The following ST8SIA1 variants were observed in gnomAD, a reference collection of about 807,000 sequenced individuals.
ST8SIA1 encodes the protein alpha-N-acetylneuraminide alpha-2,8-sialyltransferase.
Under a neutral mutation model 35.9 loss-of-function variants are expected in ST8SIA1, and 16 were observed. The ratio of observed to expected loss-of-function variants is 0.45; its 90% CI spans 0.30 to 0.68. The LOEUF is 0.68. Ranked by LOEUF, ST8SIA1 falls within the 30% of genes least tolerant of loss-of-function variation. ST8SIA1 has a pLI of 0.09. For synonymous variants in ST8SIA1, 170 were observed against 169.6 expected (o/e 1.00, Z -0.02); for missense variants, 383 against 453.6 (o/e 0.84, Z 1.41).
chr12:22,325,018 T>C (rs1440513362), intron 1 of ST8SIA1: 2 of 155,660 alleles, frequency 1.3e-5, no homozygotes, highest in East Asian at 1.9e-4. Context: ...AATTTAGTAA[T>C]ACACACAAAC....
intron 4 of ST8SIA1, among the ~76,000 whole-genome samples, chr12:22,240,955 C>T (rs1321576254): frequency 6.8e-6 from 1 of 147,944 alleles, no homozygotes; most frequent in Non-Finnish European, 1.5e-5. Flanking sequence ...AAATACATTT[C>T]TGTTTCCTAG....
chr12:22,255,072 T>C (rs1180332029), intron 3 of ST8SIA1, among the ~76,000 whole-genome samples: 2 of 152,182 alleles, frequency 1.3e-5, no homozygotes, highest in Non-Finnish European at 2.9e-5. Context: ...CGCCTGAGCC[T>C]TCTTGGCTTT....
intron 4 of ST8SIA1, among the ~76,000 whole-genome samples, chr12:22,244,012 A>G (rs1317081778): frequency 6.7e-6 from 1 of 148,364 alleles, no homozygotes. Context: ...TCCGGGCAAC[A>G]AGAATGAAAT....
intron 4 of ST8SIA1, among the ~76,000 whole-genome samples, chr12:22,237,319 AC>A (rs1865486326): frequency 6.6e-6 from 1 of 151,938 alleles, no homozygotes; most frequent in Admixed American, 6.6e-5. Context: ...CTGGTCTCAA[AC>A]CCCTGGCCTC....
intron 1 of ST8SIA1, among the ~76,000 whole-genome samples, chr12:22,316,163 A>T (rs981526406): frequency 3.3e-5 from 5 of 152,232 alleles, no homozygotes; most frequent in African/African-American, 1.2e-4. Flanking sequence ...GAATCATTTG[A>T]ACTTGCAAAA....
chr12:22,248,586 T>C (rs868183480), intron 4 of ST8SIA1, among the ~76,000 whole-genome samples: 1 of 152,220 alleles, frequency 6.6e-6, no homozygotes, highest in African/African-American at 2.4e-5. Flanking sequence ...ATTGCTATTT[T>C]AATGCATGTA....
At chr12:22,264,910 A>T (rs1299353319) in intron 2 of ST8SIA1, among the ~76,000 whole-genome samples, 1 of 152,240 alleles carries the variant, frequency 6.6e-6, no homozygotes, top group Non-Finnish European at 1.5e-5. Context: ...AAATTGAATG[A>T]TGTGAATATT....
At chr12:22,259,878 T>G (rs867629288) in intron 2 of ST8SIA1, among the ~76,000 whole-genome samples, 1 of 152,240 alleles carries the variant, frequency 6.6e-6, no homozygotes, top group Admixed American at 6.5e-5. Context: ...GAATGATGTA[T>G]GAACAAGATG....
At position 22,287,071 on chromosome 12, in the gene ST8SIA1, G is replaced by C; in HGVS notation, c.381+78C>G. ...AACAAAAAGTCAATCTGATGAGTAA[G>C]GCAAACTCAATTATCCCTTTTCTAT... On this transcript the variant is annotated intron_variant, in intron 2 of 4. Transcript: ENST00000396037. 3 of 1,386,618 alleles carry C rather than the reference G, an allele frequency of 2.2e-6. No homozygotes were observed. The South Asian group carries it at 4.4e-5, about 20-fold the overall frequency. The allele number at this position is 1,386,618 out of a possible 1,614,324, so 85.9% of individuals were successfully genotyped here.
chr12:22,223,591 A>G, intron 4 of ST8SIA1: 1 of 1,059,312 alleles, frequency 9.4e-7, no homozygotes, highest in Non-Finnish European at 1.1e-6. Context: ...TTCTGATTCA[A>G]GCAGCATGAG....
At chr12:22,316,016 A>AT (rs1866515145) in intron 1 of ST8SIA1, among the ~76,000 whole-genome samples, 1 of 152,096 alleles carries the variant, frequency 6.6e-6, no homozygotes, top group Non-Finnish European at 1.5e-5. Context: ...AAAAGATAGA[A>AT]TTCTAAAAAA....
rs1555152208 is a variant in ST8SIA1 at position 22,199,170 on chromosome 12, T to TTC, written c.*2381_*2382insGA. On this transcript the variant is annotated 3_prime_UTR_variant, in exon 5 of 5. Coordinates refer to ENST00000396037, the MANE Select transcript of ST8SIA1 (RefSeq NM_003034.4). ...TTTCTTTTTCTTTTCTTTTTTTTTT[T>TTC]TTTGAGACAGGGTCTTGCCCTGTCA... 1 of 150,866 alleles carries TTC rather than the reference T, an allele frequency of 6.6e-6. No individual in the cohort carries two copies. The highest frequency in any genetic ancestry group is 1.5e-5 in the Non-Finnish European group (1 of 67,720). 9.3% of individuals were successfully genotyped at this position (150,866 alleles called of 1,614,324 possible).
At chr12:22,289,645 C>A (rs1866150752) in intron 1 of ST8SIA1, among the ~76,000 whole-genome samples, 1 of 152,144 alleles carries the variant, frequency 6.6e-6, no homozygotes, top group South Asian at 2.1e-4. Context: ...TGGGGCAGGG[C>A]TTTGCTTCCA....
chr12:22,313,385 C>T (rs1343979703), intron 1 of ST8SIA1, among the ~76,000 whole-genome samples: 3 of 152,066 alleles, frequency 2.0e-5, no homozygotes, highest in South Asian at 2.1e-4. Flanking sequence ...AATAAACACA[C>T]TTGAGTTTTG....
intron 4 of ST8SIA1, among the ~76,000 whole-genome samples, chr12:22,208,656 A>G (rs1173844301): frequency 6.6e-6 from 1 of 152,182 alleles, no homozygotes; most frequent in African/African-American, 2.4e-5. Flanking sequence ...AGAGGTATAA[A>G]TTAGTATGTA....
At chr12:22,229,339 G>C (rs886568220) in intron 4 of ST8SIA1, among the ~76,000 whole-genome samples, 7 of 152,106 alleles carry the variant, frequency 4.6e-5, no homozygotes, top group Non-Finnish European at 8.8e-5. Context: ...TTCAATGGCT[G>C]AGCATGGTGG....
intron 2 of ST8SIA1, among the ~76,000 whole-genome samples, chr12:22,279,535 T>C (rs891070668): frequency 7.2e-5 from 11 of 152,186 alleles, no homozygotes; most frequent in African/African-American, 1.2e-4. Flanking sequence ...AAGCTGCCAG[T>C]TGTCAAAACC....
chr12:22,244,783 T>C (rs1318698314), intron 4 of ST8SIA1, among the ~76,000 whole-genome samples: 1 of 152,182 alleles, frequency 6.6e-6, no homozygotes, highest in Non-Finnish European at 1.5e-5. Flanking sequence ...CACCTGAAAA[T>C]AATTTTTGGT....
intron 1 of ST8SIA1, among the ~76,000 whole-genome samples, chr12:22,323,880 G>A (rs1866637737): frequency 6.6e-6 from 1 of 152,236 alleles, no homozygotes; most frequent in African/African-American, 2.4e-5. Flanking sequence ...AGAGCATCAG[G>A]AAGGATAGCT....
Sources: gnomAD v4.1 joint callset for allele counts (sites outside exome capture counted in the v4.1 genomes callset) on GRCh38, gnomAD v4.1.1 for gene constraint, MANE v1.5 for transcripts, NCBI Gene and HGNC (gene_info 2026-07-23, HGNC 2026-07-21) for gene names.